The following USP30 variants were observed in gnomAD, a reference collection of about 807,000 sequenced individuals.
The protein encoded by USP30 is ubiquitin specific peptidase 30.
A neutral mutation model predicts 68.2 loss-of-function variants in USP30; 41 were observed. That is an observed-to-expected ratio of 0.60 (90% confidence interval 0.47 to 0.78). The LOEUF (loss-of-function observed/expected upper bound fraction) is 0.78. Among genes scored for constraint, USP30 ranks in the 30% least tolerant of loss-of-function variants. The probability of loss-of-function intolerance (pLI) is 0.00; values close to 1 mark genes in which losing one functional copy is unlikely to be tolerated. For synonymous variants in USP30, 229 were observed against 253.7 expected, an observed-to-expected ratio of 0.90 and a Z score of 0.93; for missense variants, 522 against 649.4, an observed-to-expected ratio of 0.80 and a Z score of 2.13.
chr12:109,041,449 A>G (rs999502532), intron 3 of USP30, among the ~76,000 whole-genome samples: 4 of 152,106 alleles, frequency 2.6e-5, no homozygotes, highest in African/African-American at 9.7e-5. Flanking sequence ...AGCCTGGCCA[A>G]CGTGGTGAAA....
At chr12:109,027,858 G>A (rs750855825) in intron 3 of USP30, among the ~76,000 whole-genome samples, 9 of 152,108 alleles carry the variant, frequency 5.9e-5, no homozygotes, top group Non-Finnish European at 1.3e-4. Context: ...ATAAACATTG[G>A]TCTACAGTGT....
At chr12:109,085,393 T>G (rs2041917149) in intron 12 of USP30, among the ~76,000 whole-genome samples, 1 of 152,210 alleles carries the variant, frequency 6.6e-6, no homozygotes, top group East Asian at 1.9e-4. Flanking sequence ...TCATGCACTC[T>G]ATAAAGTTGT....
At chr12:109,043,804 G>A (rs1450891970) in intron 3 of USP30, among the ~76,000 whole-genome samples, 1 of 152,108 alleles carries the variant, frequency 6.6e-6, no homozygotes, top group African/African-American at 2.4e-5. Flanking sequence ...CAGAATAGGA[G>A]GATATCTTTG....
intron 4 of USP30, among the ~76,000 whole-genome samples, chr12:109,071,087 G>A (rs1158593763): frequency 6.6e-6 from 1 of 152,152 alleles, no homozygotes; most frequent in Non-Finnish European, 1.5e-5. Flanking sequence ...CAGATTCCTA[G>A]AGAGATAAAG....
At chr12:109,050,687 A>G (rs559046566), upstream of USP30, among the ~76,000 whole-genome samples, 9 of 152,254 alleles carry the variant, frequency 5.9e-5, no homozygotes, top group South Asian at 1.9e-3. Flanking sequence ...GGGTACTCCA[A>G]ACTGAGAGGT....
In USP30 at chr12:109,082,670, C is replaced by T; in HGVS notation, c.875C>T (p.Ala292Val). 1 of 1,614,102 alleles carries T rather than the reference C, an allele frequency of 6.2e-7. No individual in the cohort carries two copies. ...VVCDNCTKIEAKGTLNGEKVE... is the reference protein window; with the variant it reads ...VVCDNCTKIEVKGTLNGEKVE... ...ATGTTCCTTTTATTTCAGATTGAAG[C>T]CAAGGGAACGTTGAACGGGGAAAAG... Residue 292 changes from alanine to valine, a missense_variant, in exon 10 of 13, where the codon GCC becomes GTC. Ala to Val is a moderately conservative substitution (Grantham distance 64). Transcript: ENST00000257548.
At chr12:109,057,775 A>G (rs1309671154) in intron 2 of USP30, 151 bp from the exon 3 acceptor site, 2 of 833,746 alleles carry the variant, frequency 2.4e-6, no homozygotes, top group Non-Finnish European at 3.8e-6. Context: ...GCACAGATAG[A>G]AGGCCTGGCC....
intron 4 of USP30, among the ~76,000 whole-genome samples, chr12:109,068,269 G>A (rs1248958799): frequency 2.0e-5 from 3 of 152,166 alleles, no homozygotes; most frequent in African/African-American, 7.2e-5. Context: ...ATCCTCCACA[G>A]CCACACTTCC....
chr12:109,047,250 T>A (rs991359903), intron 3 of USP30, among the ~76,000 whole-genome samples: 1 of 152,106 alleles, frequency 6.6e-6, no homozygotes, highest in Non-Finnish European at 1.5e-5. Flanking sequence ...ACCCTACACT[T>A]CATCCTCTTC....
chr12:109,055,400 A>ATATATATATTTTTTTTT (rs1298811530), intron 1 of USP30, among the ~76,000 whole-genome samples: 4 of 24,474 alleles, frequency 1.6e-4, no homozygotes, highest in African/African-American at 3.3e-4. Context: ...ATATATATAT[A>ATATATATATTTTTTTTT]TTTTTTTTTT....
intron 3 of USP30, among the ~76,000 whole-genome samples, chr12:109,043,759 T>A (rs997180571): frequency 3.3e-5 from 5 of 152,084 alleles, no homozygotes; most frequent in African/African-American, 1.2e-4. Flanking sequence ...CTTTTGCGCA[T>A]CAAAAGACAC....
At chr12:109,065,279 G>A (rs1452699966) in intron 3 of USP30, among the ~76,000 whole-genome samples, 1 of 152,206 alleles carries the variant, frequency 6.6e-6, no homozygotes. Flanking sequence ...GGGAAGGAGG[G>A]TGGCCAAGAT....
chr12:109,042,864 G>GA (rs2040574468), intron 3 of USP30, among the ~76,000 whole-genome samples: 1 of 151,986 alleles, frequency 6.6e-6, no homozygotes, highest in African/African-American at 2.4e-5. Context: ...AAAGAGTCCA[G>GA]AAAAAAGCTG....
chr12:109,065,563 C>T (rs547939450), intron 3 of USP30, among the ~76,000 whole-genome samples: 7 of 152,298 alleles, frequency 4.6e-5, no homozygotes, highest in African/African-American at 1.7e-4. Flanking sequence ...AACGGAGGTA[C>T]TGAACAGAAT....
intron 3 of USP30, among the ~76,000 whole-genome samples, chr12:109,066,607 C>T (rs1019866289): frequency 2.0e-5 from 3 of 152,172 alleles, no homozygotes; most frequent in African/African-American, 7.2e-5. Flanking sequence ...ATCGCTTGAA[C>T]CCAGGAGGCG....
chr12:109,040,054 T>C (rs1002718955), intron 3 of USP30, among the ~76,000 whole-genome samples: 1 of 152,224 alleles, frequency 6.6e-6, no homozygotes, highest in Non-Finnish European at 1.5e-5. Flanking sequence ...TTTTCACATA[T>C]ATTAGAAAAA....
In USP30 at chr12:109,030,861, GC is replaced by G. The variant is rs1369794040; in HGVS notation, c.-136+3307del. Among the ~76,000 whole-genome samples the G allele has an allele frequency of 5.3e-5, 8 of 152,238 alleles. No homozygotes were observed. The East Asian group carries it at 1.5e-3, about 29-fold the overall frequency. ...GAACTCCTGACCTCATGATCCACCT[GC>G]CTCGGCCTCCCTAAGTGCTGGGATT... On this transcript the variant is annotated intron_variant, in intron 3 of 15. Transcript: ENST00000392784.
intron 5 of USP30, 26 bp from the exon 6 acceptor site, chr12:109,072,279 C>CTG (rs1160427407): frequency 3.8e-6 from 6 of 1,589,032 alleles, no homozygotes; most frequent in Non-Finnish European, 5.2e-6. Flanking sequence ...GGTTTTCAGT[C>CTG]TGTTTTTTTT....
chr12:109,066,307 A>G (rs918325613), intron 3 of USP30, among the ~76,000 whole-genome samples: 1 of 152,108 alleles, frequency 6.6e-6, no homozygotes, highest in Non-Finnish European at 1.5e-5. Context: ...TTACAGAAAA[A>G]GTGCCAATCC....
Sources: allele counts gnomAD v4.1 joint callset (sites outside exome capture counted in the v4.1 genomes callset), GRCh38; gene constraint gnomAD v4.1.1; transcripts MANE v1.5; gene names NCBI Gene and HGNC (gene_info 2026-07-23, HGNC 2026-07-21).